The following MAML2 variants were observed in gnomAD, a reference collection of about 807,000 sequenced individuals.
MAML2 encodes the protein mastermind-like protein 2.
A neutral mutation model predicts 96.1 loss-of-function variants in MAML2; 22 were observed. The ratio of observed to expected loss-of-function variants is 0.23; its 90% CI spans 0.16 to 0.33. MAML2 has a LOEUF of 0.33. Among genes scored for constraint, MAML2 ranks in the 10% least tolerant of loss-of-function variants. The pLI, the probability that MAML2 is intolerant of heterozygous loss-of-function variation, is 1.00. For synonymous variants in MAML2, 561 were observed against 521.3 expected (o/e 1.08, Z -1.04); for missense variants, 1,367 against 1,392.4 (o/e 0.98, Z 0.29).
intron 1 of MAML2, among the ~76,000 whole-genome samples, chr11:96,131,115 G>T (rs901538412): frequency 6.6e-6 from 1 of 152,004 alleles, no homozygotes; most frequent in Non-Finnish European, 1.5e-5. Flanking sequence ...TTGGGAGAAT[G>T]GGTAAAATAT....
At chr11:96,146,232 T>G (rs756549207) in intron 1 of MAML2, among the ~76,000 whole-genome samples, 1 of 152,198 alleles carries the variant, frequency 6.6e-6, no homozygotes, top group Non-Finnish European at 1.5e-5. Context: ...CTTAACTATT[T>G]GAAGGAAACC....
At chr11:95,985,060 T>A (rs1857804568) in intron 4 of MAML2, among the ~76,000 whole-genome samples, 2 of 152,216 alleles carry the variant, frequency 1.3e-5, no homozygotes, top group Non-Finnish European at 2.9e-5. Context: ...TTGAGAGACT[T>A]CGTGAAAACT....
In MAML2 at chr11:96,269,013, C is replaced by T. The variant is rs550519985; in HGVS notation, c.513+72370G>A. Among the ~76,000 whole-genome samples the T allele has an allele frequency of 1.4e-5, 2 of 144,980 alleles. 1 individual carries two copies. The highest frequency in any genetic ancestry group is 4.0e-4 in the East Asian group (2 of 4,984). On this transcript the variant is annotated intron_variant, in intron 1 of 4. Coordinates refer to ENST00000524717, the MANE Select transcript of MAML2 (RefSeq NM_032427.4). ...TTTGGATTAGAATAAATCTCTAAAA[C>T]TGAGAAACATACTCAGAAAGTTATG...
intron 1 of MAML2, among the ~76,000 whole-genome samples, chr11:96,107,748 T>C (rs563068546): frequency 2.6e-5 from 4 of 151,966 alleles, no homozygotes; most frequent in Non-Finnish European, 5.9e-5. Flanking sequence ...AATGATTTAA[T>C]CAACCACGTC....
chr11:96,230,605 G>A (rs747181219), intron 1 of MAML2, among the ~76,000 whole-genome samples: 9 of 152,204 alleles, frequency 5.9e-5, no homozygotes, highest in Non-Finnish European at 8.8e-5. Context: ...TTACTAAAAT[G>A]TATGTAGGGA....
intron 2 of MAML2, among the ~76,000 whole-genome samples, chr11:96,044,829 G>A (rs1183665354): frequency 2.6e-5 from 4 of 152,212 alleles, no homozygotes; most frequent in African/African-American, 9.6e-5. Context: ...TCAACTCCTT[G>A]AAGATGAGGT....
chr11:96,019,469 T>C (rs559448264), intron 2 of MAML2, among the ~76,000 whole-genome samples: 4 of 151,974 alleles, frequency 2.6e-5, no homozygotes, highest in East Asian at 1.9e-4. Context: ...CTGAATGTGC[T>C]CCAAAAATCA....
chr11:95,998,813 T>C (rs2135715961), intron 2 of MAML2, among the ~76,000 whole-genome samples: 1 of 152,300 alleles, frequency 6.6e-6, no homozygotes, highest in Admixed American at 6.5e-5. Context: ...GCTGGATGCA[T>C]GTTTTAACTT....
chr11:96,241,055 T>C (rs1862432440), intron 1 of MAML2, among the ~76,000 whole-genome samples: 1 of 152,204 alleles, frequency 6.6e-6, no homozygotes, highest in South Asian at 2.1e-4. Flanking sequence ...TAAACAGCAA[T>C]TGAAGTGTCA....
chr11:95,981,015 C>G (rs1213636892), intron 4 of MAML2, among the ~76,000 whole-genome samples: 4 of 152,146 alleles, frequency 2.6e-5, no homozygotes, highest in African/African-American at 9.7e-5. Context: ...TTGGGAAGTT[C>G]GTGCCATTTG....
intron 1 of MAML2, among the ~76,000 whole-genome samples, chr11:96,288,688 G>A (rs1863172298): frequency 6.6e-6 from 1 of 152,094 alleles, no homozygotes; most frequent in South Asian, 2.1e-4. Flanking sequence ...AGCCTCCAAT[G>A]TGAATTTAAA....
chr11:95,996,116 G>A (rs1368427447), intron 2 of MAML2, among the ~76,000 whole-genome samples: 2 of 152,050 alleles, frequency 1.3e-5, no homozygotes, highest in African/African-American at 4.8e-5. Context: ...CTAATGCCTA[G>A]TCACCCATGA....
intron 1 of MAML2, among the ~76,000 whole-genome samples, chr11:96,166,582 G>A (rs375659638): frequency 1.3e-5 from 2 of 152,186 alleles, no homozygotes; most frequent in African/African-American, 2.4e-5. Context: ...GCTTAAGGTC[G>A]AATGTCAATA....
At chr11:96,301,209 A>G (rs142788695) in intron 1 of MAML2, among the ~76,000 whole-genome samples, 2 of 152,344 alleles carry the variant, frequency 1.3e-5, no homozygotes, top group East Asian at 1.9e-4. Flanking sequence ...ACAGAGAAAT[A>G]CACCAGTCAA....
At chr11:96,222,013 C>A (rs542408076) in intron 1 of MAML2, among the ~76,000 whole-genome samples, 2 of 152,072 alleles carry the variant, frequency 1.3e-5, no homozygotes, top group Non-Finnish European at 2.9e-5. Context: ...TTAATTTGGA[C>A]CTTTGTAATC....
rs556986405 is a variant in MAML2 at position 96,173,159 on chromosome 11, G to A, written c.514-79642C>T. On this transcript the variant is annotated intron_variant, in intron 1 of 4. Coordinates refer to ENST00000524717, the MANE Select transcript of MAML2 (RefSeq NM_032427.4). ...GACCCAGGGGCTGTCGGGGAGATGT[G>A]TCCCAGAGCACTTGGACACAAGACT... is the stretch of plus-strand genomic sequence containing the variant. Among the ~76,000 whole-genome samples, 4 of 152,292 alleles carry A rather than the reference G, an allele frequency of 2.6e-5. No individual in the cohort carries two copies. The South Asian group carries it at 6.2e-4, about 24-fold the overall frequency.
chr11:96,080,145 TTA>T (rs1447696867), intron 2 of MAML2, among the ~76,000 whole-genome samples: 1 of 152,228 alleles, frequency 6.6e-6, no homozygotes, highest in Non-Finnish European at 1.5e-5. Flanking sequence ...TCTAAATTTT[TTA>T]TCTGACTATA....
At chr11:95,984,300 G>A (rs1275570967) in intron 4 of MAML2, among the ~76,000 whole-genome samples, 1 of 152,088 alleles carries the variant, frequency 6.6e-6, no homozygotes, top group East Asian at 1.9e-4. Context: ...ACCTAACAAC[G>A]CAATTCTCAG....
intron 1 of MAML2, among the ~76,000 whole-genome samples, chr11:96,300,615 G>A (rs1452560320): frequency 6.6e-6 from 1 of 152,214 alleles, no homozygotes; most frequent in Non-Finnish European, 1.5e-5. Context: ...GTCAGAGAGT[G>A]TGGGGAAGTT....
Sources: gnomAD v4.1 joint callset for allele counts (sites outside exome capture counted in the v4.1 genomes callset) on GRCh38, gnomAD v4.1.1 for gene constraint, MANE v1.5 for transcripts, NCBI Gene and HGNC (gene_info 2026-07-23, HGNC 2026-07-21) for gene names.